The following MRTFB variants were observed in gnomAD, a reference collection of about 807,000 sequenced individuals.
The protein encoded by MRTFB is myocardin-related transcription factor B.
A neutral mutation model predicts 104.2 loss-of-function variants in MRTFB; 29 were observed. That is an observed-to-expected ratio of 0.28 (90% CI 0.21 to 0.38). MRTFB has a LOEUF of 0.38. Among genes scored for constraint, MRTFB ranks in the 10% least tolerant of loss-of-function variants. MRTFB has a pLI of 1.00. For missense variants in MRTFB, 1,270 were observed against 1,341.6 expected, an observed-to-expected ratio of 0.95 and a Z score of 0.83; for synonymous variants, 535 against 519.5, an observed-to-expected ratio of 1.03 and a Z score of -0.41.
chr16:14,250,702 A>G (rs1258933256), intron 13 of MRTFB, among the ~76,000 whole-genome samples: 1 of 152,214 alleles, frequency 6.6e-6, no homozygotes, highest in Non-Finnish European at 1.5e-5. Context: ...GGTAGGGGCC[A>G]TGCCTTGAGA....
At chr16:14,143,215 C>T (rs1463831228) in intron 3 of MRTFB, 2 of 137,506 alleles carry the variant, frequency 1.5e-5, no homozygotes, top group East Asian at 4.4e-4. Context: ...TTAATATGTA[C>T]AAGGGACAAG....
At position 14,263,543 on chromosome 16, in the gene MRTFB, A is replaced by G. The variant is rs2043846387; in HGVS notation, c.*2099A>G. 6.6e-6 allele frequency: 1 copy of G among 152,214 alleles called. No homozygotes were observed. The highest frequency in any genetic ancestry group is 2.4e-5 in the African/African-American group (1 of 41,456). The allele number at this position is 152,214 out of a possible 1,614,324, so 9.4% of individuals were successfully genotyped here. A position where few individuals can be genotyped will look rare whatever the true frequency, so the allele number is the denominator to read the frequency against. ...GGACTGTAGAAGGTAACCGAACACT[A>G]GTACCATTGACTCTCGTTGAATAAC... On this transcript the variant is annotated 3_prime_UTR_variant, in exon 17 of 17. Coordinates refer to ENST00000571589, the MANE Select transcript of MRTFB (RefSeq NM_001308142.2).
At chr16:14,154,840 C>T (rs943129187) in intron 3 of MRTFB, among the ~76,000 whole-genome samples, 2 of 152,246 alleles carry the variant, frequency 1.3e-5, no homozygotes, top group Admixed American at 6.5e-5. Context: ...TGGAGGCCAC[C>T]TGGGTCTCTC....
the MRTFB span, among the ~76,000 whole-genome samples, chr16:14,046,790 G>C: frequency 6.6e-6 from 1 of 152,230 alleles, no homozygotes; most frequent in Non-Finnish European, 1.5e-5. Context: ...AGCACACAGA[G>C]AAGGAATCCT....
At chr16:14,188,888 T>TTA (rs2040055639) in intron 3 of MRTFB, among the ~76,000 whole-genome samples, 1 of 152,226 alleles carries the variant, frequency 6.6e-6, no homozygotes, top group Admixed American at 6.5e-5. Flanking sequence ...AATAGAAGTG[T>TTA]TATATATCTT....
intron 4 of MRTFB, 30 bp from the exon 5 acceptor site, chr16:14,212,324 A>C (rs1000289898): frequency 1.8e-5 from 29 of 1,611,718 alleles, no homozygotes; most frequent in Non-Finnish European, 2.5e-5. Context: ...AACTCTATTT[A>C]TACTGTGGAA....
intron 5 of MRTFB, 143 bp downstream of exon 5, chr16:14,212,552 A>G (rs2041238844): frequency 5.4e-6 from 4 of 742,060 alleles, no homozygotes; most frequent in Non-Finnish European, 4.4e-6. Flanking sequence ...GGCATAGAGA[A>G]TATTTACTCT....
At chr16:14,111,230 AC>A (rs1473958788) in intron 2 of MRTFB, among the ~76,000 whole-genome samples, 1 of 152,196 alleles carries the variant, frequency 6.6e-6, no homozygotes, top group Non-Finnish European at 1.5e-5. Context: ...GGTGGGGTTA[AC>A]CCTGGAAAGA....
intron 9 of MRTFB, among the ~76,000 whole-genome samples, chr16:14,234,829 G>A (rs549419922): frequency 2.0e-5 from 3 of 152,088 alleles, no homozygotes; most frequent in South Asian, 2.1e-4. Context: ...CTGGGGCTAC[G>A]CAGAAAGCCC....
At chr16:14,187,118 T>G in intron 3 of MRTFB, 1 of 1,121,432 alleles carries the variant, frequency 8.9e-7, no homozygotes, top group Non-Finnish European at 1.3e-6. Flanking sequence ...GTTACCATGC[T>G]ATGTGTCTGC....
chr16:14,060,885 G>C, the MRTFB span, among the ~76,000 whole-genome samples: 1 of 152,210 alleles, frequency 6.6e-6, no homozygotes, highest in Non-Finnish European at 1.5e-5. Context: ...GGTGGCTCAC[G>C]CCTGTAATCC....
intron 8 of MRTFB, among the ~76,000 whole-genome samples, chr16:14,228,430 C>T (rs1307151956): frequency 6.6e-6 from 1 of 152,110 alleles, no homozygotes; most frequent in Non-Finnish European, 1.5e-5. Flanking sequence ...GAAAAATTAG[C>T]TGGGCGTGGT....
chr16:14,023,580 TACAC>T, the MRTFB span, among the ~76,000 whole-genome samples: 119 of 94,000 alleles, frequency 1.3e-3, no homozygotes, highest in African/African-American at 4.2e-3. Context: ...CAAGGGCAGA[TACAC>T]ACACACACAC....
At chr16:14,055,434 T>G in the MRTFB span, among the ~76,000 whole-genome samples, 1 of 152,232 alleles carries the variant, frequency 6.6e-6, no homozygotes, top group Admixed American at 6.5e-5. Context: ...TCACCAGGTT[T>G]TCCCTCTAAT....
chr16:14,071,396 G>T lies in MRTFB; in HGVS notation c.-129+31G>T, dbSNP rs553842520. ...CGGCGGGCGGTGGCGGCCGTTGGGG[G>T]CTGAGGCCGGGTGAGAGCGGCCGAG... On this transcript the variant is annotated intron_variant, in intron 1 of 16. Coordinates refer to ENST00000571589, the MANE Select transcript of MRTFB (RefSeq NM_001308142.2). 1.8e-4 allele frequency: 29 copies of T among 160,214 alleles called. No homozygotes were observed. In the South Asian group the frequency reaches 4.8e-3, roughly 27 times the overall value. The allele number at this position is 160,214 out of a possible 1,614,324, so 9.9% of individuals were successfully genotyped here.
At position 14,257,393 on chromosome 16, in the gene MRTFB, A is replaced by G. The variant is rs150814797; in HGVS notation, c.2704-708A>G. Among the ~76,000 whole-genome samples, 230 of 152,306 alleles carry G rather than the reference A, an allele frequency of 1.5e-3. 2 individuals are homozygous for G. The highest frequency in any genetic ancestry group is 4.8e-3 in the African/African-American group (199 of 41,552). On this transcript the variant is annotated intron_variant, in intron 15 of 16. Coordinates refer to ENST00000571589, the MANE Select transcript of MRTFB (RefSeq NM_001308142.2). ...AACTGCTGTGTTTCCATACAATGCAATGCTACTCAGCAATAAAAAAATTAA... is the reference window on the plus strand; with the variant it reads ...AACTGCTGTGTTTCCATACAATGCAGTGCTACTCAGCAATAAAAAAATTAA...
intron 3 of MRTFB, among the ~76,000 whole-genome samples, chr16:14,157,247 C>T (rs566082796): frequency 6.6e-6 from 1 of 152,264 alleles, no homozygotes; most frequent in African/African-American, 2.4e-5. Flanking sequence ...ATCTTCACAA[C>T]ATGTCATAGA....
At chr16:14,000,180 G>A in the MRTFB span, among the ~76,000 whole-genome samples, 2 of 152,210 alleles carry the variant, frequency 1.3e-5, no homozygotes, top group African/African-American at 2.4e-5. Flanking sequence ...ACTCCCAAGC[G>A]CCTGTAGCAG....
chr16:14,071,647 C>T (rs189765665), intron 1 of MRTFB, among the ~76,000 whole-genome samples: 1 of 152,222 alleles, frequency 6.6e-6, no homozygotes, highest in Admixed American at 6.5e-5. Context: ...CAGAGTTGGC[C>T]CTGCTGACAG....
Sources: allele counts gnomAD v4.1 joint callset (sites outside exome capture counted in the v4.1 genomes callset), GRCh38; gene constraint gnomAD v4.1.1; transcripts MANE v1.5; gene names NCBI Gene and HGNC (gene_info 2026-07-23, HGNC 2026-07-21).